USP28: variants seen among roughly 807,000 people sequenced by gnomAD.
USP28 encodes the protein ubiquitin specific peptidase 28, also known as ubiquitin carboxyl-terminal hydrolase 28.
In USP28, 113 loss-of-function variants were observed where a neutral mutation model predicts 145.0. That is an observed-to-expected ratio of 0.78 (90% CI 0.67 to 0.91). The LOEUF (loss-of-function observed/expected upper bound fraction) is 0.91. USP28 is among the 40% of genes least tolerant of loss of function. The probability of loss-of-function intolerance (pLI) is 0.00; values close to 1 mark genes in which losing one functional copy is unlikely to be tolerated. For missense variants in USP28, 1,201 were observed against 1,289.6 expected (o/e 0.93, Z 1.05); for synonymous variants, 447 against 450.9 (o/e 0.99, Z 0.11).
intron 1 of USP28, among the ~76,000 whole-genome samples, chr11:113,872,423 C>T (rs1948913989): frequency 6.6e-6 from 1 of 151,356 alleles, no homozygotes; most frequent in Admixed American, 6.6e-5. Flanking sequence ...GGGGGCGGAG[C>T]TTGCAGTGAG....
intron 9 of USP28, 71 bp from the exon 10 acceptor site, chr11:113,829,416 A>G: frequency 6.4e-7 from 1 of 1,567,968 alleles, no homozygotes; most frequent in Non-Finnish European, 8.6e-7. Flanking sequence ...CTGGCTCCAC[A>G]GAGACAACAT....
chr11:113,875,308 C>G, intron 1 of USP28, 137 bp downstream of exon 1: 1 of 647,490 alleles, frequency 1.5e-6, no homozygotes. Flanking sequence ...TTCTCACCCA[C>G]GCTGGCGGGC....
chr11:113,838,880 G>T (rs986895123), intron 5 of USP28, among the ~76,000 whole-genome samples: 8 of 152,220 alleles, frequency 5.3e-5, no homozygotes, highest in Admixed American at 5.2e-4. Flanking sequence ...TGTGTAGAAA[G>T]GGAGAATTCC....
chr11:113,837,926 T>C (rs1944749888), intron 5 of USP28, among the ~76,000 whole-genome samples: 1 of 152,114 alleles, frequency 6.6e-6, no homozygotes, highest in Admixed American at 6.5e-5. Flanking sequence ...TTTCAAACTT[T>C]CACTCCCTTT....
intron 1 of USP28, among the ~76,000 whole-genome samples, chr11:113,874,051 G>T (rs1464498771): frequency 1.3e-5 from 2 of 150,596 alleles, no homozygotes; most frequent in Non-Finnish European, 2.9e-5. Flanking sequence ...TGAGGCAGGA[G>T]AATCGCTTGA....
intron 1 of USP28, among the ~76,000 whole-genome samples, chr11:113,857,804 A>G (rs1475754546): frequency 2.6e-5 from 4 of 152,226 alleles, no homozygotes; most frequent in Non-Finnish European, 5.9e-5. Context: ...TGTAATAGGT[A>G]GCAGTGGACA....
At chr11:113,827,302 T>C (rs2135851662) in exon 11 of USP28, 2 of 1,613,124 alleles carry the variant, frequency 1.2e-6, no homozygotes, top group East Asian at 4.5e-5. Context: ...AAGGGACTGA[T>C]TAAACTCAAA....
At chr11:113,801,032 G>A (rs1485497953) in intron 24 of USP28, among the ~76,000 whole-genome samples, 1 of 152,042 alleles carries the variant, frequency 6.6e-6, no homozygotes, top group Non-Finnish European at 1.5e-5. Context: ...TAGTAGAGAT[G>A]GGGTTTCGCC....
Position 113,801,675 on chromosome 11 carries a change from G to GC in USP28, c.2865dup (p.Leu956AlafsTer10), listed in dbSNP as rs1565315371. The GC allele has an allele frequency of 6.4e-7, 1 of 1,562,294 alleles. No homozygotes were observed. The highest frequency in any genetic ancestry group is 1.3e-5 in the African/African-American group (1 of 74,352). On this transcript the variant is annotated frameshift_variant, in exon 24 of 25. Transcript: ENST00000003302. LOFTEE classifies it high-confidence loss of function. ...AAAAGAGAAGCTGCTTTGGCATTCAGCTCCTACAGATAAAAGGTAGAATTA... is the reference window on the plus strand; with the variant it reads ...AAAAGAGAAGCTGCTTTGGCATTCAGCCTCCTACAGATAAAAGGTAGAATTA...
At chr11:113,828,065 C>T (rs1433973271) in intron 10 of USP28, among the ~76,000 whole-genome samples, 2 of 152,178 alleles carry the variant, frequency 1.3e-5, no homozygotes, top group East Asian at 3.8e-4. Context: ...TGAGGAAAAG[C>T]TAAATCAGAT....
exon 24 of USP28, chr11:113,801,586 G>A (rs774886321): frequency 1.2e-6 from 2 of 1,610,846 alleles, no homozygotes; most frequent in Admixed American, 3.3e-5. Context: ...GGTGAATGCA[G>A]GGGATGATCA....
chr11:113,850,597 CCCAGAAGGTT>C (rs1384223197), intron 3 of USP28, among the ~76,000 whole-genome samples: 7 of 152,192 alleles, frequency 4.6e-5, no homozygotes, highest in African/African-American at 1.2e-4. Flanking sequence ...TCGCCTTCCT[CCCAGAAGGTT>C]CCAGAAGGTT....
exon 5 of USP28, chr11:113,840,687 G>C (rs760212837): frequency 1.2e-5 from 19 of 1,614,004 alleles, no homozygotes; most frequent in African/African-American, 2.7e-5. Flanking sequence ...TTGGGATTGG[G>C]GTTTTCTCCC....
intron 18 of USP28, among the ~76,000 whole-genome samples, chr11:113,807,704 C>G (rs745764674): frequency 3.3e-5 from 5 of 152,090 alleles, no homozygotes; most frequent in East Asian, 3.9e-4. Flanking sequence ...TCTGAGCCAT[C>G]TAGACTCTGC....
At chr11:113,874,449 A>AAT in intron 1 of USP28, 2 of 856,406 alleles carry the variant, frequency 2.3e-6, no homozygotes, top group Non-Finnish European at 3.1e-6. Flanking sequence ...AAAAAAAAAA[A>AAT]GTGTCTCCAT....
chr11:113,856,738 A>C lies in USP28; in HGVS notation c.58-2403T>G, dbSNP rs1947091148. ...ATTTATTTATTTATTTCTGAGACAG[A>C]GTCTCACTGTGTCGCCCAGGCTGGA... is the stretch of plus-strand genomic sequence containing the variant. On this transcript the variant is annotated intron_variant, in intron 1 of 24. Coordinates refer to ENST00000003302, the Ensembl canonical transcript of USP28. Among the ~76,000 whole-genome samples the C allele has an allele frequency of 2.6e-5, 4 of 152,256 alleles. No homozygotes were observed. The South Asian group carries it at 8.3e-4, about 32-fold the overall frequency.
At chr11:113,871,089 T>C (rs527924421) in intron 1 of USP28, among the ~76,000 whole-genome samples, 6 of 152,328 alleles carry the variant, frequency 3.9e-5, no homozygotes, top group Non-Finnish European at 7.3e-5. Context: ...CAGGCAGTGG[T>C]ATGCTGATTG....
At chr11:113,856,600 A>G (rs1353993618) in intron 1 of USP28, among the ~76,000 whole-genome samples, 2 of 152,236 alleles carry the variant, frequency 1.3e-5, no homozygotes, top group Non-Finnish European at 2.9e-5. Context: ...GTTACTGCTG[A>G]TAAGGGATGC....
intron 3 of USP28, among the ~76,000 whole-genome samples, chr11:113,843,836 T>C (rs1286150219): frequency 6.6e-6 from 1 of 152,144 alleles, no homozygotes; most frequent in Non-Finnish European, 1.5e-5. Flanking sequence ...TCCCGGTCAA[T>C]TGATTTTTGA....
Sources: gnomAD v4.1 joint callset for allele counts (sites outside exome capture counted in the v4.1 genomes callset) on GRCh38, gnomAD v4.1.1 for gene constraint, MANE v1.5 for transcripts, NCBI Gene and HGNC (gene_info 2026-07-23, HGNC 2026-07-21) for gene names.